CCR5AS: variants seen among roughly 807,000 people sequenced by gnomAD.
CCR5AS encodes CCR5 antisense RNA.
chr3:46,391,153 A>G (rs1005972460), intron 2 of CCR5AS, among the ~76,000 whole-genome samples: 2 of 152,142 alleles, frequency 1.3e-5, no homozygotes, highest in African/African-American at 2.4e-5. Context: ...TCTCGCACAG[A>G]TGGGACATTC....
chr3:46,394,140 T>G (rs567123539), intron 1 of CCR5AS, among the ~76,000 whole-genome samples: 1 of 152,318 alleles, frequency 6.6e-6, no homozygotes, highest in South Asian at 2.1e-4. Context: ...GACATTTTAG[T>G]TGTCCCAGCT....
At chr3:46,378,552 G>A (rs953150326) in intron 2 of CCR5AS, among the ~76,000 whole-genome samples, 3 of 152,114 alleles carry the variant, frequency 2.0e-5, no homozygotes, top group Non-Finnish European at 2.9e-5. Flanking sequence ...CTGCCCCCGC[G>A]AGGCCACATT....
intron 2 of CCR5AS, among the ~76,000 whole-genome samples, chr3:46,371,953 G>C (rs1161892480): frequency 6.6e-6 from 1 of 152,180 alleles, no homozygotes; most frequent in Non-Finnish European, 1.5e-5. Flanking sequence ...GGGTAGCATG[G>C]TAGTTAAGAG....
chr3:46,375,460 A>G (rs553155294), intron 2 of CCR5AS: 1 of 167,054 alleles, frequency 6.0e-6, no homozygotes, highest in Admixed American at 6.5e-5. Flanking sequence ...AGCATTGAGC[A>G]AAGGGGTCCC....
At chr3:46,367,819 G>A (rs754117316) in intron 3 of CCR5AS, among the ~76,000 whole-genome samples, 2 of 152,176 alleles carry the variant, frequency 1.3e-5, no homozygotes, top group Non-Finnish European at 2.9e-5. Flanking sequence ...TTATCCACTC[G>A]CCTTGGCTTC....
At chr3:46,403,081 T>C (rs879200289) in intron 1 of CCR5AS, among the ~76,000 whole-genome samples, 1 of 152,268 alleles carries the variant, frequency 6.6e-6, no homozygotes, top group Non-Finnish European at 1.5e-5. Flanking sequence ...CTCGTTCTTT[T>C]CATGGCTGCA....
rs144835212 is a variant in CCR5AS, at chr3:46,392,440, A to G, written n.391+385T>C. On this transcript the variant is annotated intron_variant and non_coding_transcript_variant, in intron 2 of 3. Transcript: ENST00000451485. ...GAAGGTTGCCCATAGTGAAAGAGGT[A>G]AGTTTAAAGAGAAAGGTAGAGACAT... Among the ~76,000 whole-genome samples, 619 of 152,304 alleles carry G rather than the reference A, an allele frequency of 4.1e-3. 3 individuals carry two copies. Among genetic ancestry groups the G allele is most frequent in the Middle Eastern group, 6.8e-3 (2 of 294 alleles).
At chr3:46,398,887 T>C (rs1174926128) in intron 1 of CCR5AS, among the ~76,000 whole-genome samples, 2 of 152,206 alleles carry the variant, frequency 1.3e-5, no homozygotes, top group Admixed American at 1.3e-4. Context: ...GGAAACCCAG[T>C]AGGATTGGGT....
intron 3 of CCR5AS, among the ~76,000 whole-genome samples, chr3:46,368,673 T>C (rs1029989457): frequency 6.6e-6 from 1 of 152,188 alleles, no homozygotes; most frequent in Admixed American, 6.5e-5. Context: ...CTGCCCCAGG[T>C]CTAGCACGTC....
chr3:46,397,879 T>C (rs1260145645), intron 1 of CCR5AS, among the ~76,000 whole-genome samples: 3 of 152,156 alleles, frequency 2.0e-5, no homozygotes, highest in Non-Finnish European at 4.4e-5. Flanking sequence ...CGCTACTCAA[T>C]GGAAAGAGAT....
At chr3:46,403,335 C>T (rs111831324) in intron 1 of CCR5AS, among the ~76,000 whole-genome samples, 8 of 152,338 alleles carry the variant, frequency 5.3e-5, no homozygotes, top group African/African-American at 1.9e-4. Flanking sequence ...AAAAAGGCAT[C>T]ATCCTAGCAT....
chr3:46,385,176 G>A (rs985598259), intron 2 of CCR5AS, among the ~76,000 whole-genome samples: 2 of 152,158 alleles, frequency 1.3e-5, no homozygotes, highest in Admixed American at 6.5e-5. Context: ...TGTTAATTCA[G>A]CATTTATTGA....
chr3:46,386,105 A>G (rs907894517), intron 2 of CCR5AS, among the ~76,000 whole-genome samples: 1 of 151,916 alleles, frequency 6.6e-6, no homozygotes, highest in African/African-American at 2.4e-5. Context: ...TTGTAGAGAC[A>G]GGGTCTTGCC....
At chr3:46,387,059 A>G (rs1271528391) in intron 2 of CCR5AS, among the ~76,000 whole-genome samples, 1 of 152,214 alleles carries the variant, frequency 6.6e-6, no homozygotes, top group Non-Finnish European at 1.5e-5. Context: ...GAAAAGAGAA[A>G]AGAAGAGAAG....
At chr3:46,404,498 T>G (rs940106405) in intron 1 of CCR5AS, among the ~76,000 whole-genome samples, 1 of 151,896 alleles carries the variant, frequency 6.6e-6, no homozygotes, top group East Asian at 1.9e-4. Flanking sequence ...CCACCCCTCC[T>G]GGCTAATTTT....
intron 2 of CCR5AS, chr3:46,373,124 C>G (rs775644923): frequency 6.2e-7 from 1 of 1,614,068 alleles, no homozygotes; most frequent in South Asian, 1.1e-5. Context: ...ACCTGGCCAT[C>G]TCTGACCTGT....
intron 2 of CCR5AS, among the ~76,000 whole-genome samples, chr3:46,389,709 T>G (rs922820106): frequency 6.6e-6 from 1 of 152,174 alleles, no homozygotes; most frequent in Non-Finnish European, 1.5e-5. Flanking sequence ...TTATGGTCTA[T>G]GGGATTAGTT....
intron 1 of CCR5AS, among the ~76,000 whole-genome samples, chr3:46,402,499 A>G (rs1187327506): frequency 2.0e-5 from 3 of 152,236 alleles, no homozygotes; most frequent in African/African-American, 4.8e-5. Flanking sequence ...TAAAACTTAT[A>G]ATGGCTATTA....
At chr3:46,399,845 C>T (rs1701991806) in intron 1 of CCR5AS, among the ~76,000 whole-genome samples, 1 of 152,092 alleles carries the variant, frequency 6.6e-6, no homozygotes, top group South Asian at 2.1e-4. Flanking sequence ...CTTTAGGTAG[C>T]TTGAAATAGT....
Sources: allele counts gnomAD v4.1 joint callset (sites outside exome capture counted in the v4.1 genomes callset), GRCh38; gene constraint gnomAD v4.1.1; transcripts MANE v1.5; gene names NCBI Gene and HGNC (gene_info 2026-07-23, HGNC 2026-07-21).